OPCML: variants seen among roughly 807,000 people sequenced by gnomAD.
OPCML encodes the protein opioid binding protein/cell adhesion molecule like, also known as opioid-binding protein/cell adhesion molecule.
A neutral mutation model predicts 37.8 loss-of-function variants in OPCML; 13 were observed. That is an observed-to-expected ratio of 0.34 (90% CI 0.22 to 0.55). The LOEUF is 0.55. Among genes scored for constraint, OPCML ranks in the 20% least tolerant of loss-of-function variants. OPCML has a pLI of 0.91. For synonymous variants in OPCML, 176 were observed against 168.8 expected (o/e 1.04, Z -0.33); for missense variants, 341 against 435.6 (o/e 0.78, Z 1.93).
intron 1 of OPCML, among the ~76,000 whole-genome samples, chr11:133,013,111 T>C (rs368594944): frequency 1.3e-5 from 2 of 152,208 alleles, no homozygotes; most frequent in Admixed American, 6.5e-5. Context: ...GATTATGTAG[T>C]GGTAGAACTC....
intron 2 of OPCML, among the ~76,000 whole-genome samples, chr11:132,783,938 C>T (rs530522221): frequency 6.6e-6 from 1 of 152,246 alleles, no homozygotes; most frequent in East Asian, 1.9e-4. Flanking sequence ...ATATTTTTAT[C>T]TTAAAGAATT....
At chr11:133,140,884 G>A (rs1235822221) in intron 1 of OPCML, among the ~76,000 whole-genome samples, 1 of 32,320 alleles carries the variant, frequency 3.1e-5, no homozygotes, top group African/African-American at 5.6e-5. Flanking sequence ...AGAAGACGAC[G>A]ACGACGACGA....
intron 4 of OPCML, among the ~76,000 whole-genome samples, chr11:132,510,771 G>A (rs1164253446): frequency 6.6e-6 from 1 of 152,004 alleles, no homozygotes; most frequent in South Asian, 2.1e-4. Flanking sequence ...CATGAAAACG[G>A]ACTAATAAAC....
intron 1 of OPCML, among the ~76,000 whole-genome samples, chr11:133,395,081 T>C (rs933337452): frequency 6.6e-6 from 1 of 152,214 alleles, no homozygotes; most frequent in Non-Finnish European, 1.5e-5. Flanking sequence ...TGGGGTGAGA[T>C]GATATATCAT....
chr11:132,861,838 T>TAA (rs58457650), intron 2 of OPCML, among the ~76,000 whole-genome samples: 11 of 94,364 alleles, frequency 1.2e-4, no homozygotes, highest in Admixed American at 1.1e-4. Flanking sequence ...CCATCTCAAA[T>TAA]AAAAAAAAAA....
At chr11:133,419,414 G>A (rs1945835694) in intron 1 of OPCML, 8 of 803,028 alleles carry the variant, frequency 1.0e-5, no homozygotes, top group Non-Finnish European at 1.2e-5. Context: ...GAAATTATAT[G>A]AGCCAATTAC....
rs1400858339 is a variant in OPCML, at chr11:132,418,104, C to T, written c.*2089G>A. 2.6e-5 allele frequency: 4 copies of T among 152,220 alleles called. No homozygotes were observed. The highest frequency in any genetic ancestry group is 4.4e-5 in the Non-Finnish European group (3 of 68,044). 9.4% of individuals were successfully genotyped at this position (152,220 alleles called of 1,614,324 possible). A position where few individuals can be genotyped will look rare whatever the true frequency, so the allele number is the denominator to read the frequency against. Reference sequence around the variant, plus strand: ...GTTTCCCCATGGCAGAGGTCACACTCATGTGCCTTGATGGACAAAAACAAA... The same window carrying T: ...GTTTCCCCATGGCAGAGGTCACACTTATGTGCCTTGATGGACAAAAACAAA... On this transcript the variant is annotated 3_prime_UTR_variant, in exon 8 of 8. Transcript: ENST00000524381.
At chr11:132,431,390 G>A (rs561406176) in intron 7 of OPCML, among the ~76,000 whole-genome samples, 4 of 152,324 alleles carry the variant, frequency 2.6e-5, no homozygotes, top group South Asian at 2.1e-4. Flanking sequence ...TGCTGCTGGC[G>A]TTGACCGCCT....
At chr11:132,931,151 C>CA (rs143769058) in intron 2 of OPCML, among the ~76,000 whole-genome samples, 17,285 of 144,370 alleles carry the variant, frequency 0.12, 1,120 homozygotes, top group Middle Eastern at 0.2. Context: ...ACACCATATA[C>CA]AAAAAAAAAA....
chr11:132,838,368 G>T (rs1407504662), intron 2 of OPCML, among the ~76,000 whole-genome samples: 5 of 152,180 alleles, frequency 3.3e-5, no homozygotes, highest in Non-Finnish European at 7.3e-5. Flanking sequence ...AGTAAGGGTT[G>T]ACAGGGCTAC....
intron 3 of OPCML, among the ~76,000 whole-genome samples, chr11:132,599,341 GAGGAGGA>G (rs1937668976): frequency 2.0e-5 from 3 of 148,284 alleles, no homozygotes; most frequent in Admixed American, 1.3e-4. Flanking sequence ...GGAGGAGGAG[GAGGAGGA>G]AGAAGGAGGA....
intron 2 of OPCML, among the ~76,000 whole-genome samples, chr11:132,850,803 C>T (rs530037020): frequency 6.6e-6 from 1 of 152,268 alleles, no homozygotes; most frequent in East Asian, 1.9e-4. Context: ...TAATAATAAT[C>T]CAGATAAAAA....
chr11:133,353,556 C>T (rs927879533), intron 1 of OPCML, among the ~76,000 whole-genome samples: 1 of 152,134 alleles, frequency 6.6e-6, no homozygotes, highest in Non-Finnish European at 1.5e-5. Flanking sequence ...TTGATGGGGG[C>T]CACAGAAACA....
chr11:133,023,154 A>G (rs559257370), intron 1 of OPCML, among the ~76,000 whole-genome samples: 3 of 152,366 alleles, frequency 2.0e-5, no homozygotes, highest in Admixed American at 6.5e-5. Context: ...CAGTGCCATA[A>G]GCAGGTGCAG....
intron 2 of OPCML, among the ~76,000 whole-genome samples, chr11:132,785,886 A>G (rs1464687979): frequency 6.6e-6 from 1 of 152,252 alleles, no homozygotes. Flanking sequence ...CATAGAGCCA[A>G]TCAGTTGACA....
intron 1 of OPCML, among the ~76,000 whole-genome samples, chr11:133,318,065 A>G (rs1354492910): frequency 6.6e-6 from 1 of 152,214 alleles, no homozygotes; most frequent in Non-Finnish European, 1.5e-5. Context: ...TGCCAACGAC[A>G]AAAACCCAGG....
Position 132,415,111 on chromosome 11 carries a change from A to G in OPCML, c.*5082T>C, listed in dbSNP as rs2095934123. The G allele has an allele frequency of 1.3e-5, 2 of 152,668 alleles. No homozygotes were observed. Among genetic ancestry groups the G allele is most frequent in the South Asian group, 2.1e-4 (1 of 4,830 alleles). The allele number at this position is 152,668 out of a possible 1,614,324, so 9.5% of individuals were successfully genotyped here. On this transcript the variant is annotated 3_prime_UTR_variant, in exon 8 of 8. Transcript: ENST00000524381. ...AGGTAGTATATTCACCCTTGATACA[A>G]TTATTGACAGAAATCAAGTCTTCAT...
chr11:133,030,120 A>AGAAACTGTTCCCT (rs1947639003), intron 1 of OPCML, among the ~76,000 whole-genome samples: 1 of 152,184 alleles, frequency 6.6e-6, no homozygotes, highest in Admixed American at 6.5e-5. Context: ...CTACATTCCC[A>AGAAACTGTTCCCT]GAAACTGTTC....
chr11:132,923,092 A>AAATAAAT (rs151184353), intron 2 of OPCML, among the ~76,000 whole-genome samples: 268 of 148,672 alleles, frequency 1.8e-3, no homozygotes, highest in East Asian at 0.011. Context: ...ATAAATAAAT[A>AAATAAAT]AATAATAATA....
Sources: gnomAD v4.1 joint callset for allele counts (sites outside exome capture counted in the v4.1 genomes callset) on GRCh38, gnomAD v4.1.1 for gene constraint, MANE v1.5 for transcripts, NCBI Gene and HGNC (gene_info 2026-07-23, HGNC 2026-07-21) for gene names.